ESRRG: variants seen among roughly 807,000 people sequenced by gnomAD.
ESRRG encodes the protein estrogen related receptor gamma, also known as estrogen-related receptor gamma.
A neutral mutation model predicts 44.0 loss-of-function variants in ESRRG; 13 were observed. The observed-to-expected ratio is 0.30, with a 90% CI of 0.19 to 0.47. The LOEUF (loss-of-function observed/expected upper bound fraction) is 0.47, where lower values mean the gene tolerates loss of function less well. Ranked by LOEUF, ESRRG falls within the 20% of genes least tolerant of loss-of-function variation. ESRRG has a pLI of 1.00. For missense variants in ESRRG, 395 were observed against 580.6 expected (o/e 0.68, Z 3.29); for synonymous variants, 215 against 214.6 (o/e 1.00, Z -0.02).
intron 2 of ESRRG, among the ~76,000 whole-genome samples, chr1:216,880,836 A>G (rs979114539): frequency 6.6e-6 from 1 of 152,206 alleles, no homozygotes; most frequent in Non-Finnish European, 1.5e-5. Context: ...AAAGTTTTCA[A>G]TGAAAGACAA....
At chr1:216,752,245 G>C (rs2092091406) in intron 2 of ESRRG, among the ~76,000 whole-genome samples, 1 of 152,026 alleles carries the variant, frequency 6.6e-6, no homozygotes. Context: ...TAGCAAGAGA[G>C]CAGATTCCGC....
chr1:217,007,328 A>G (rs2150737816), intron 1 of ESRRG, among the ~76,000 whole-genome samples: 1 of 152,110 alleles, frequency 6.6e-6, no homozygotes, highest in Admixed American at 6.6e-5. Context: ...ATTTTAAAAT[A>G]TTTTCCCATA....
intron 2 of ESRRG, chr1:216,854,943 T>G (rs1277983591): frequency 1.3e-5 from 2 of 152,172 alleles, no homozygotes; most frequent in African/African-American, 4.8e-5. Flanking sequence ...GAATTTTTGC[T>G]CACGTTTGGT....
At chr1:216,672,064 G>GGAA (rs2075297654) in intron 2 of ESRRG, among the ~76,000 whole-genome samples, 1 of 150,754 alleles carries the variant, frequency 6.6e-6, no homozygotes. Flanking sequence ...GAAGGAAGGA[G>GGAA]GGAAAGAAGG....
intron 2 of ESRRG, among the ~76,000 whole-genome samples, chr1:216,891,035 A>G (rs1310348499): frequency 1.3e-5 from 2 of 152,182 alleles, no homozygotes; most frequent in Non-Finnish European, 2.9e-5. Flanking sequence ...GGCCAAAAAT[A>G]TGGATTTCAA....
intron 2 of ESRRG, among the ~76,000 whole-genome samples, chr1:216,668,299 T>C (rs2074408818): frequency 6.6e-6 from 1 of 152,116 alleles, no homozygotes; most frequent in South Asian, 2.1e-4. Context: ...TTGTTGCAAA[T>C]TTGTGTCCAT....
chr1:216,904,433 G>T (rs186883136), intron 2 of ESRRG, among the ~76,000 whole-genome samples: 1 of 152,302 alleles, frequency 6.6e-6, no homozygotes, highest in East Asian at 1.9e-4. Flanking sequence ...TGTAGTGTGA[G>T]ATTGCTAAAA....
At chr1:216,970,126 G>A (rs1232606909) in intron 1 of ESRRG, among the ~76,000 whole-genome samples, 1 of 152,084 alleles carries the variant, frequency 6.6e-6, no homozygotes, top group Non-Finnish European at 1.5e-5. Context: ...TCAAGTTCAA[G>A]TGGGCTACTA....
Position 216,941,989 on chromosome 1 carries a change from T to C in ESRRG, c.-105-2316A>G, listed in dbSNP as rs185962741. Among the ~76,000 whole-genome samples the C allele has an allele frequency of 5.3e-5, 8 of 152,242 alleles. No individual in the cohort carries two copies. In the East Asian group the frequency reaches 1.4e-3, roughly 26 times the overall value. On this transcript the variant is annotated intron_variant, in intron 1 of 7. Transcript: ENST00000359162. ...AGAGTATATTCTGCGATGCTGAGAT[T>C]TGGGCTTCTACTGATCCTGTCACCC...
At chr1:216,972,258 A>T (rs889270187) in intron 1 of ESRRG, among the ~76,000 whole-genome samples, 2 of 152,186 alleles carry the variant, frequency 1.3e-5, no homozygotes, top group African/African-American at 2.4e-5. Context: ...GCAATCTATC[A>T]GGAGTTACTG....
intron 1 of ESRRG, among the ~76,000 whole-genome samples, chr1:216,704,283 G>A (rs901535922): frequency 6.6e-6 from 1 of 152,188 alleles, no homozygotes; most frequent in Non-Finnish European, 1.5e-5. Context: ...GAAGGCCGAG[G>A]CGGGTGGATC....
At chr1:216,897,017 T>C (rs2149450876) in intron 2 of ESRRG, among the ~76,000 whole-genome samples, 1 of 152,292 alleles carries the variant, frequency 6.6e-6, no homozygotes, top group African/African-American at 2.4e-5. Context: ...TTGGAATGTC[T>C]GAGAAGATGA....
At position 216,506,615 on chromosome 1, in the gene ESRRG, G is replaced by C; in HGVS notation, c.*324C>G. 1 of 488,330 alleles carries C rather than the reference G, an allele frequency of 2.0e-6. No individual in the cohort carries two copies. Among genetic ancestry groups the C allele is most frequent in the Non-Finnish European group, 4.0e-6 (1 of 249,040 alleles). The allele number at this position is 488,330 out of a possible 1,614,324, so 30.2% of individuals were successfully genotyped here. ...GTAAAGAAAAGAAAGAAGGCAGGCAGACGGGAAGAAAATAAAGGAGAATGG... is the reference window on the plus strand; with the variant it reads ...GTAAAGAAAAGAAAGAAGGCAGGCACACGGGAAGAAAATAAAGGAGAATGG... On this transcript the variant is annotated 3_prime_UTR_variant, in exon 7 of 7. Transcript: ENST00000408911.
intron 2 of ESRRG, among the ~76,000 whole-genome samples, chr1:216,733,765 C>T (rs1287245468): frequency 6.6e-6 from 1 of 151,832 alleles, no homozygotes; most frequent in African/African-American, 2.4e-5. Context: ...CTGAGGGGGG[C>T]GGATCACCTG....
At chr1:216,578,570 C>T (rs2062117723) in intron 3 of ESRRG, among the ~76,000 whole-genome samples, 1 of 151,980 alleles carries the variant, frequency 6.6e-6, no homozygotes, top group Admixed American at 6.6e-5. Flanking sequence ...TAGAAGGATA[C>T]TCTAAAATGG....
intron 3 of ESRRG, among the ~76,000 whole-genome samples, chr1:216,646,727 A>G (rs927711643): frequency 2.0e-5 from 3 of 152,178 alleles, no homozygotes; most frequent in Non-Finnish European, 4.4e-5. Context: ...ACAGATGACA[A>G]AATAGGAGAT....
At chr1:217,129,044 A>C (rs890386664) in intron 1 of ESRRG, among the ~76,000 whole-genome samples, 1 of 150,202 alleles carries the variant, frequency 6.7e-6, no homozygotes, top group Non-Finnish European at 1.5e-5. Context: ...ACAAAGTGTT[A>C]AAAAAACCCA....
At chr1:216,975,635 T>C (rs1244650664) in intron 1 of ESRRG, among the ~76,000 whole-genome samples, 2 of 152,192 alleles carry the variant, frequency 1.3e-5, no homozygotes, top group Non-Finnish European at 2.9e-5. Context: ...AATATTCAAT[T>C]CTCAACCTTT....
At chr1:217,114,718 G>C (rs1465537867) in intron 1 of ESRRG, among the ~76,000 whole-genome samples, 1 of 140,650 alleles carries the variant, frequency 7.1e-6, no homozygotes, top group East Asian at 2.1e-4. Context: ...TCATCAGGCT[G>C]GAGTGCTGGC....
Sources: gnomAD v4.1 joint callset for allele counts (sites outside exome capture counted in the v4.1 genomes callset) on GRCh38, gnomAD v4.1.1 for gene constraint, MANE v1.5 for transcripts, NCBI Gene and HGNC (gene_info 2026-07-23, HGNC 2026-07-21) for gene names.